Variants in AKAP13 observed in about 807,000 individuals in gnomAD.
AKAP13 encodes A-kinase anchoring protein 13.
In AKAP13, 80 loss-of-function variants were observed where a neutral mutation model predicts 264.5. The observed-to-expected ratio is 0.30, with a 90% confidence interval of 0.25 to 0.36. AKAP13 has a LOEUF of 0.36. Ranked by LOEUF, AKAP13 falls within the 10% of genes least tolerant of loss-of-function variation. AKAP13 has a pLI of 1.00. For missense variants in AKAP13, 3,712 were observed against 3,435.2 expected (o/e 1.08, Z -2.01); for synonymous variants, 1,380 against 1,250.2 (o/e 1.10, Z -2.19).
At position 85,418,834 on chromosome 15, in the gene AKAP13, A is replaced by G. The variant is rs190903120; in HGVS notation, c.-12+38036A>G. Among the ~76,000 whole-genome samples, 148 of 152,362 alleles carry G rather than the reference A, an allele frequency of 9.7e-4. No individual in the cohort carries two copies. The East Asian group carries it at 0.021, about 22-fold the overall frequency. The stretch of plus-strand genomic sequence containing the variant: ...AATCAATCGCATAGTTATCATTAAT[A>G]ATAAAGACCACAAGTGGCTAAGACC... On this transcript the variant is annotated intron_variant, in intron 1 of 36. Coordinates refer to ENST00000394518, the MANE Select transcript of AKAP13 (RefSeq NM_007200.5).
At chr15:85,529,110 T>G (rs1008137510) in intron 3 of AKAP13, among the ~76,000 whole-genome samples, 6 of 152,214 alleles carry the variant, frequency 3.9e-5, no homozygotes, top group Non-Finnish European at 7.3e-5. Context: ...GTCTTTGCAG[T>G]GTAATTGTAG....
chr15:85,560,776 CT>C (rs1404714829), intron 5 of AKAP13, among the ~76,000 whole-genome samples: 3 of 152,042 alleles, frequency 2.0e-5, no homozygotes, highest in Non-Finnish European at 4.4e-5. Flanking sequence ...TTTTTTGCTT[CT>C]GTTAAATTAT....
At chr15:85,394,787 G>C (rs547468107) in intron 1 of AKAP13, among the ~76,000 whole-genome samples, 2 of 152,262 alleles carry the variant, frequency 1.3e-5, no homozygotes, top group Admixed American at 6.5e-5. Flanking sequence ...CTGTGAAATG[G>C]TATTTGCTGA....
At chr15:85,393,583 G>C (rs113353594) in intron 1 of AKAP13, among the ~76,000 whole-genome samples, 1 of 152,156 alleles carries the variant, frequency 6.6e-6, no homozygotes, top group African/African-American at 2.4e-5. Flanking sequence ...TTACTATAAA[G>C]GGAAGAAGAA....
chr15:85,537,042 A>G (rs2077424956), intron 4 of AKAP13: 1 of 152,226 alleles, frequency 6.6e-6, no homozygotes, highest in South Asian at 2.1e-4. Context: ...AATGCATGCA[A>G]GTGACTTGAT....
chr15:85,602,102 G>A (rs1567149655), intron 8 of AKAP13, among the ~76,000 whole-genome samples: 1 of 151,930 alleles, frequency 6.6e-6, no homozygotes, highest in Non-Finnish European at 1.5e-5. Flanking sequence ...AAATAATTGT[G>A]ATATTCTTTG....
intron 5 of AKAP13, among the ~76,000 whole-genome samples, chr15:85,556,452 A>G (rs1177295097): frequency 1.3e-5 from 2 of 152,204 alleles, no homozygotes; most frequent in Non-Finnish European, 2.9e-5. Context: ...ATGGTCTATC[A>G]TAGACTGAAA....
chr15:85,626,335 C>G (rs2081409852), intron 8 of AKAP13, among the ~76,000 whole-genome samples: 1 of 152,170 alleles, frequency 6.6e-6, no homozygotes, highest in Non-Finnish European at 1.5e-5. Flanking sequence ...ATAACCATCC[C>G]ACCAGCTGTC....
intron 2 of AKAP13, among the ~76,000 whole-genome samples, chr15:85,491,504 A>G (rs1033000507): frequency 6.8e-6 from 1 of 146,168 alleles, no homozygotes; most frequent in Non-Finnish European, 1.5e-5. Flanking sequence ...TATTTATTAT[A>G]TATTATATAT....
At chr15:85,743,444 G>T (rs1549038) in intron 35 of AKAP13, 48 bp from the exon 36 acceptor site, 2 of 1,575,260 alleles carry the variant, frequency 1.3e-6, no homozygotes, top group Non-Finnish European at 1.7e-6. Flanking sequence ...TTGGCATCAC[G>T]GACGCTGACA....
At chr15:85,730,786 C>T in intron 30 of AKAP13, 79 bp downstream of exon 30, 2 of 1,314,550 alleles carry the variant, frequency 1.5e-6, no homozygotes, top group South Asian at 1.5e-5. Flanking sequence ...CCAGTTTTTA[C>T]TTTTTTACTT....
At chr15:85,624,199 G>A (rs1028425404) in intron 8 of AKAP13, among the ~76,000 whole-genome samples, 6 of 152,330 alleles carry the variant, frequency 3.9e-5, no homozygotes, top group Middle Eastern at 3.4e-3. Flanking sequence ...CCTGTTAATA[G>A]TAATGTGATT....
intron 14 of AKAP13, among the ~76,000 whole-genome samples, chr15:85,670,073 C>T (rs1004823604): frequency 3.3e-5 from 5 of 152,156 alleles, no homozygotes; most frequent in South Asian, 2.1e-4. Flanking sequence ...GAATCTGACA[C>T]ACTTTTTAAA....
At chr15:85,453,740 A>T (rs1440582745) in intron 1 of AKAP13, among the ~76,000 whole-genome samples, 1 of 151,882 alleles carries the variant, frequency 6.6e-6, no homozygotes, top group Non-Finnish European at 1.5e-5. Flanking sequence ...CAAACAGCAA[A>T]GATGGTAGCC....
intron 2 of AKAP13, among the ~76,000 whole-genome samples, chr15:85,495,297 T>C (rs985651201): frequency 1.3e-5 from 2 of 152,168 alleles, no homozygotes; most frequent in Non-Finnish European, 2.9e-5. Flanking sequence ...CCAACATGTT[T>C]CGGTGGGCAT....
At chr15:85,466,975 C>T (rs2074764193) in intron 1 of AKAP13, among the ~76,000 whole-genome samples, 1 of 151,860 alleles carries the variant, frequency 6.6e-6, no homozygotes, top group Non-Finnish European at 1.5e-5. Flanking sequence ...GGTGGGTTCC[C>T]AGCATGGACC....
At position 85,411,383 on chromosome 15, in the gene AKAP13, G is replaced by T. The variant is rs558410941; in HGVS notation, c.-12+30585G>T. ...TATGCGCAAAGGAGTTCTGCACGTG[G>T]AAGTATTGTGGTTATCTTGAGGTAA... is the stretch of plus-strand genomic sequence containing the variant. On this transcript the variant is annotated intron_variant, in intron 1 of 36. Coordinates refer to ENST00000394518, the MANE Select transcript of AKAP13 (RefSeq NM_007200.5). Among the ~76,000 whole-genome samples the T allele has an allele frequency of 2.6e-5, 4 of 152,212 alleles. No individual in the cohort carries two copies. In the East Asian group the frequency reaches 7.7e-4, roughly 29 times the overall value.
chr15:85,710,085 A>G (rs1475069422), intron 18 of AKAP13, among the ~76,000 whole-genome samples: 1 of 152,250 alleles, frequency 6.6e-6, no homozygotes, highest in Non-Finnish European at 1.5e-5. Context: ...TTTTTGCTAC[A>G]TGGCTACAAC....
At chr15:85,615,493 A>G (rs1474125163) in intron 8 of AKAP13, among the ~76,000 whole-genome samples, 1 of 152,202 alleles carries the variant, frequency 6.6e-6, no homozygotes, top group Non-Finnish European at 1.5e-5. Context: ...CATTTGTCTT[A>G]TTTGAAGCAG....
Sources: gnomAD v4.1 joint callset for allele counts (sites outside exome capture counted in the v4.1 genomes callset) on GRCh38, gnomAD v4.1.1 for gene constraint, MANE v1.5 for transcripts, NCBI Gene and HGNC (gene_info 2026-07-23, HGNC 2026-07-21) for gene names.